TNRC6A: variants seen among roughly 807,000 people sequenced by gnomAD.
The protein encoded by TNRC6A is trinucleotide repeat containing adaptor 6A.
A neutral mutation model predicts 221.2 loss-of-function variants in TNRC6A; 44 were observed. The ratio of observed to expected loss-of-function variants is 0.20; its 90% CI spans 0.16 to 0.26. TNRC6A has a LOEUF of 0.26. Ranked by LOEUF, TNRC6A falls within the 10% of genes least tolerant of loss-of-function variation. TNRC6A has a pLI of 1.00. For missense variants in TNRC6A, 2,199 were observed against 2,404.4 expected (o/e 0.91, Z 1.79); for synonymous variants, 847 against 838.5 (o/e 1.01, Z -0.18).
chr16:24,696,441 T>G (rs2055863144), intron 2 of TNRC6A, among the ~76,000 whole-genome samples: 2 of 148,808 alleles, frequency 1.3e-5, no homozygotes, highest in Non-Finnish European at 3.0e-5. Context: ...GGATCAGAAA[T>G]GAGGGGTGGC....
intron 21 of TNRC6A, 54 bp downstream of exon 21, chr16:24,818,754 CTGT>C (rs1275794557): frequency 1.4e-6 from 2 of 1,403,682 alleles, no homozygotes; most frequent in African/African-American, 2.8e-5. Context: ...AGAGCCGCGG[CTGT>C]TGTTTTAATG....
At chr16:24,766,475 G>A (rs1326813889) in intron 4 of TNRC6A, among the ~76,000 whole-genome samples, 1 of 152,092 alleles carries the variant, frequency 6.6e-6, no homozygotes, top group African/African-American at 2.4e-5. Context: ...ATACCCAGAA[G>A]TGATTTGCTT....
intron 2 of TNRC6A, chr16:24,664,811 AC>A (rs1237515797): frequency 2.2e-4 from 100 of 446,796 alleles, no homozygotes; most frequent in African/African-American, 1.8e-3. Flanking sequence ...ACACACACAC[AC>A]AAAACCTATA....
At chr16:24,748,459 C>T (rs2057061868) in intron 2 of TNRC6A, among the ~76,000 whole-genome samples, 1 of 152,032 alleles carries the variant, frequency 6.6e-6, no homozygotes, top group African/African-American at 2.4e-5. Flanking sequence ...TGAGTCATGG[C>T]CACAGTTGGC....
chr16:24,815,569 C>T (rs1333351535), intron 19 of TNRC6A: 1 of 436,534 alleles, frequency 2.3e-6, no homozygotes, highest in African/African-American at 2.0e-5. Flanking sequence ...ATATTAAAAA[C>T]TTTAGGCTGG....
chr16:24,626,529 T>G (rs1026652262), intron 1 of TNRC6A, among the ~76,000 whole-genome samples: 1 of 152,124 alleles, frequency 6.6e-6, no homozygotes, highest in Non-Finnish European at 1.5e-5. Context: ...AGCCTTTTCC[T>G]GCTTGAACAA....
At chr16:24,787,500 A>T (rs1240198774) in intron 5 of TNRC6A, among the ~76,000 whole-genome samples, 1 of 152,222 alleles carries the variant, frequency 6.6e-6, no homozygotes, top group African/African-American at 2.4e-5. Context: ...ACATTTGTTG[A>T]TGGTGCTGGT....
intron 1 of TNRC6A, among the ~76,000 whole-genome samples, chr16:24,624,829 G>A (rs1396115633): frequency 2.6e-5 from 4 of 152,170 alleles, no homozygotes; most frequent in Admixed American, 2.0e-4. Context: ...AAGTGCTGAC[G>A]AAGTAATACA....
intron 20 of TNRC6A, among the ~76,000 whole-genome samples, chr16:24,817,316 G>T (rs1157212440): frequency 1.3e-5 from 2 of 152,064 alleles, no homozygotes; most frequent in African/African-American, 4.8e-5. Context: ...TTGTATTAAA[G>T]GAATGAAAAA....
chr16:24,798,227 T>C, intron 11 of TNRC6A: 1 of 286,162 alleles, frequency 3.5e-6, no homozygotes, highest in Non-Finnish European at 6.5e-6. Context: ...ATAGTCTTCT[T>C]GATTAGGGAA....
intron 5 of TNRC6A, among the ~76,000 whole-genome samples, chr16:24,785,944 A>G (rs1342307709): frequency 6.6e-6 from 1 of 152,252 alleles, no homozygotes; most frequent in East Asian, 1.9e-4. Context: ...TGCTGTGCAC[A>G]GGGAGGAATA....
intron 5 of TNRC6A, among the ~76,000 whole-genome samples, chr16:24,782,444 A>G (rs985772666): frequency 2.4e-4 from 37 of 152,322 alleles, no homozygotes; most frequent in African/African-American, 8.7e-4. Context: ...TCAAGCTACA[A>G]TGGCAGAGTT....
At chr16:24,759,038 C>A (rs2057308863) in intron 4 of TNRC6A, among the ~76,000 whole-genome samples, 1 of 151,986 alleles carries the variant, frequency 6.6e-6, no homozygotes, top group Admixed American at 6.6e-5. Flanking sequence ...TTATTTTAAG[C>A]TCTATCAAAA....
At chr16:24,766,380 A>G (rs1596651539) in intron 4 of TNRC6A, among the ~76,000 whole-genome samples, 2 of 152,212 alleles carry the variant, frequency 1.3e-5, no homozygotes, top group Admixed American at 1.3e-4. Flanking sequence ...AATATCCACC[A>G]TTGTGGTTTT....
chr16:24,818,582 C>A lies in TNRC6A; in HGVS notation c.4973-11C>A, dbSNP rs773497829. Reference sequence around the variant, plus strand: ...TGCTCTGGTGGCTGATTGGACTCTTCCCCCACACAGGGTCATCCTCATCCT... The same window carrying A: ...TGCTCTGGTGGCTGATTGGACTCTTACCCCACACAGGGTCATCCTCATCCT... On this transcript the variant is annotated splice_polypyrimidine_tract_variant and intron_variant, in intron 20 of 24. Transcript: ENST00000395799. 1 of 1,611,316 alleles carries A rather than the reference C, an allele frequency of 6.2e-7. No individual in the cohort carries two copies. Among genetic ancestry groups the A allele is most frequent in the Non-Finnish European group, 8.5e-7 (1 of 1,177,442 alleles).
intron 2 of TNRC6A, among the ~76,000 whole-genome samples, chr16:24,661,076 T>G (rs1239038661): frequency 6.6e-6 from 1 of 152,108 alleles, no homozygotes; most frequent in Non-Finnish European, 1.5e-5. Context: ...CTGGTATGTC[T>G]TTAAGAAAAA....
intron 2 of TNRC6A, among the ~76,000 whole-genome samples, chr16:24,746,863 A>G (rs2057021985): frequency 6.6e-6 from 1 of 152,164 alleles, no homozygotes; most frequent in African/African-American, 2.4e-5. Flanking sequence ...TCCAAGGTGT[A>G]CCCTGCTCCC....
chr16:24,667,907 C>T (rs2055206669), intron 2 of TNRC6A, among the ~76,000 whole-genome samples: 1 of 152,014 alleles, frequency 6.6e-6, no homozygotes, highest in African/African-American at 2.4e-5. Flanking sequence ...TGCCCATAGT[C>T]CCAGGTACTC....
intron 2 of TNRC6A, among the ~76,000 whole-genome samples, chr16:24,749,523 T>C (rs1329702184): frequency 6.6e-6 from 1 of 152,210 alleles, no homozygotes; most frequent in African/African-American, 2.4e-5. Context: ...ATGGCTTTTC[T>C]ATTCCTTAGG....
Sources: allele counts gnomAD v4.1 joint callset (sites outside exome capture counted in the v4.1 genomes callset), GRCh38; gene constraint gnomAD v4.1.1; transcripts MANE v1.5; gene names NCBI Gene and HGNC (gene_info 2026-07-23, HGNC 2026-07-21).